SMARCC1: variants seen among roughly 807,000 people sequenced by gnomAD.
SMARCC1 encodes SWI/SNF related BAF chromatin remodeling complex subunit C1.
A neutral mutation model predicts 147.4 loss-of-function variants in SMARCC1; 43 were observed. The observed-to-expected ratio is 0.29, with a 90% CI of 0.23 to 0.38. SMARCC1 has a LOEUF of 0.38. Among genes scored for constraint, SMARCC1 ranks in the 10% least tolerant of loss-of-function variants. SMARCC1 has a pLI of 1.00. For missense variants in SMARCC1, 1,119 were observed against 1,381.1 expected (o/e 0.81, Z 3.01); for synonymous variants, 495 against 484.4 (o/e 1.02, Z -0.29).
intron 6 of SMARCC1, among the ~76,000 whole-genome samples, chr3:47,723,042 G>A (rs1377845322): frequency 6.6e-6 from 1 of 152,152 alleles, no homozygotes; most frequent in Non-Finnish European, 1.5e-5. Flanking sequence ...TTTAGAAAAG[G>A]GGAAATACTG....
At chr3:47,778,526 C>A (rs1227196275) in intron 1 of SMARCC1, among the ~76,000 whole-genome samples, 2 of 152,046 alleles carry the variant, frequency 1.3e-5, no homozygotes, top group Non-Finnish European at 2.9e-5. Context: ...TCATGTTGCC[C>A]AAGCTGGTCT....
rs2033317743 is a variant in SMARCC1, at chr3:47,659,766, G to GGGGGC, written c.2320+1527_2320+1528insGCCCC. ...GTCTACTAAGAAAAAAAAAAGGGGGGGGGGGCAAGAATCTGAGTAGGTATT... is the reference window on the plus strand; with the variant it reads ...GTCTACTAAGAAAAAAAAAAGGGGGGGGGGCGGGGGCAAGAATCTGAGTAGGTATT... On this transcript the variant is annotated intron_variant, in intron 21 of 27. Coordinates refer to ENST00000254480, the MANE Select transcript of SMARCC1 (RefSeq NM_003074.4). 1.6e-5 allele frequency among the ~76,000 whole-genome samples: 2 copies of GGGGGC among 123,458 alleles called. 1 individual carries two copies. Among genetic ancestry groups the GGGGGC allele is most frequent in the African/African-American group, 6.0e-5 (2 of 33,418 alleles). 81.0% of individuals were successfully genotyped at this position (123,458 alleles called of 152,430 possible). A position where few individuals can be genotyped will look rare whatever the true frequency, so the allele number is the denominator to read the frequency against.
intron 11 of SMARCC1, among the ~76,000 whole-genome samples, chr3:47,699,173 CA>C (rs34868304): frequency 6.7e-6 from 1 of 149,412 alleles, no homozygotes; most frequent in East Asian, 2.0e-4. Context: ...ACCTGTCCTC[CA>C]AAAAAAAAGT....
chr3:47,682,331 G>A (rs1028443249), intron 14 of SMARCC1, among the ~76,000 whole-genome samples: 1 of 151,142 alleles, frequency 6.6e-6, no homozygotes, highest in African/African-American at 2.4e-5. Flanking sequence ...CTGGAGTTCA[G>A]TGACAAGATC....
intron 25 of SMARCC1, among the ~76,000 whole-genome samples, chr3:47,615,776 T>C (rs1361249986): frequency 6.6e-6 from 1 of 152,200 alleles, no homozygotes; most frequent in Admixed American, 6.5e-5. Context: ...CTCTGCCTCC[T>C]GGGTTCAAGT....
At chr3:47,632,985 G>C (rs1053467748) in intron 24 of SMARCC1, among the ~76,000 whole-genome samples, 2 of 149,814 alleles carry the variant, frequency 1.3e-5, no homozygotes, top group African/African-American at 4.9e-5. Context: ...AAAAAAAGGA[G>C]AAACTAATCT....
At chr3:47,689,300 G>T (rs2033764542) in intron 13 of SMARCC1, 87 bp downstream of exon 13, 6 of 1,087,248 alleles carry the variant, frequency 5.5e-6, no homozygotes, top group Non-Finnish European at 8.4e-6. Flanking sequence ...TCCAAAAATT[G>T]GGTTATGTCC....
intron 11 of SMARCC1, among the ~76,000 whole-genome samples, chr3:47,698,448 T>C (rs1215340984): frequency 6.6e-6 from 1 of 152,088 alleles, no homozygotes; most frequent in East Asian, 1.9e-4. Flanking sequence ...TATAATATAA[T>C]TGGAGGTTTG....
At position 47,662,367 on chromosome 3, in the gene SMARCC1, G is replaced by A. The variant is rs1380095919; in HGVS notation, c.2125C>T (p.Arg709Cys). ...GCTTTTGCTGCAGCAGATGCCACGCGAGGGTCCACCACAGATGCCAAAAAA... is the reference window on the plus strand; with the variant it reads ...GCTTTTGCTGCAGCAGATGCCACGCAAGGGTCCACCACAGATGCCAAAAAA... ...VAFLASVVDP[R>C]VASAAAKAAL... is the part of the protein sequence containing the mutation. The change falls in exon 20 of 28, where the codon CGC (arginine) becomes TGC (cysteine). Residue 709 changes from arginine to cysteine, a missense_variant. Coordinates refer to ENST00000254480, the MANE Select transcript of SMARCC1 (RefSeq NM_003074.4). The A allele has an allele frequency of 1.1e-5, 17 of 1,614,076 alleles. No individual in the cohort carries two copies. The highest frequency in any genetic ancestry group is 1.3e-5 in the African/African-American group (1 of 75,038).
rs376833314 is a variant in SMARCC1 at position 47,661,281 on chromosome 3, A to C, written c.2320+13T>G. ...TATATTAACCCTGTCCCTTAAAAGC[A>C]GCAGTGACTCACCAAGCTTCTCTGG... On this transcript the variant is annotated intron_variant, in intron 21 of 27. Transcript: ENST00000254480. 1.5e-4 allele frequency: 239 copies of C among 1,598,158 alleles called. No homozygotes were observed. The highest frequency in any genetic ancestry group is 2.0e-4 in the Non-Finnish European group (230 of 1,174,604).
At chr3:47,743,710 G>GGAA (rs2034535108) in intron 3 of SMARCC1, among the ~76,000 whole-genome samples, 11 of 151,810 alleles carry the variant, frequency 7.2e-5, no homozygotes, top group Admixed American at 6.6e-4. Flanking sequence ...CTACTCAGGA[G>GGAA]GGTGAGGCAG....
intron 24 of SMARCC1, among the ~76,000 whole-genome samples, chr3:47,633,880 G>GAC (rs752157985): frequency 2.4e-4 from 36 of 148,570 alleles, no homozygotes; most frequent in South Asian, 2.1e-4. Flanking sequence ...AACACCTAAT[G>GAC]ACAGTATTAC....
chr3:47,707,268 T>G (rs1218076664), intron 9 of SMARCC1, among the ~76,000 whole-genome samples: 1 of 151,332 alleles, frequency 6.6e-6, no homozygotes, highest in East Asian at 1.9e-4. Context: ...ATCATGATCA[T>G]GTCACTGCAC....
In SMARCC1 at chr3:47,671,173, C is replaced by CAAAAAAAAAAAAAAAAAAAAAA. The variant is rs775759680; in HGVS notation, c.1840-478_1840-457dup. ...CCTGGGCAACAGAGCGAGACTATCT[C>CAAAAAAAAAAAAAAAAAAAAAA]AAAAAAAAAAAAAAAAAAAAAAAAA... On this transcript the variant is annotated intron_variant, in intron 18 of 27. Coordinates refer to ENST00000254480, the MANE Select transcript of SMARCC1 (RefSeq NM_003074.4). Among the ~76,000 whole-genome samples the CAAAAAAAAAAAAAAAAAAAAAA allele has an allele frequency of 1.4e-4, 4 of 29,234 alleles. 1 individual carries two copies. Among genetic ancestry groups the CAAAAAAAAAAAAAAAAAAAAAA allele is most frequent in the Non-Finnish European group, 2.2e-4 (4 of 18,020 alleles). 19.2% of individuals were successfully genotyped at this position (29,234 alleles called of 152,430 possible). A position where few individuals can be genotyped will look rare whatever the true frequency, so the allele number is the denominator to read the frequency against.
At chr3:47,632,445 A>C (rs2032905726) in intron 24 of SMARCC1, among the ~76,000 whole-genome samples, 1 of 152,052 alleles carries the variant, frequency 6.6e-6, no homozygotes, top group African/African-American at 2.4e-5. Flanking sequence ...GCCTCATGAA[A>C]CTTTTAAAAG....
chr3:47,693,959 G>A (rs549114359), intron 11 of SMARCC1, among the ~76,000 whole-genome samples: 9 of 152,212 alleles, frequency 5.9e-5, no homozygotes, highest in Admixed American at 3.9e-4. Context: ...CACTGCGTCC[G>A]GCCAAACGAA....
chr3:47,714,362 C>CA (rs1041649022), intron 8 of SMARCC1, 53 bp downstream of exon 8: 72 of 1,134,596 alleles, frequency 6.3e-5, no homozygotes, highest in African/African-American at 4.2e-4. Flanking sequence ...GACGCCATCT[C>CA]AAAAAAAATT....
intron 6 of SMARCC1, among the ~76,000 whole-genome samples, chr3:47,728,376 C>A (rs2034326360): frequency 6.6e-6 from 1 of 152,070 alleles, no homozygotes; most frequent in African/African-American, 2.4e-5. Context: ...GCGTGAGACA[C>A]CAGGTCCAGC....
rs576968749 is a variant in SMARCC1, at chr3:47,588,418, C to A, written c.3221-112G>T. 5 of 895,214 alleles carry A rather than the reference C, an allele frequency of 5.6e-6. No individual in the cohort carries two copies. In the South Asian group the frequency reaches 6.0e-5, roughly 11 times the overall value. The allele number at this position is 895,214 out of a possible 1,614,324, so 55.5% of individuals were successfully genotyped here. ...AGTCCTTTCCTTAGTGGCAGGCAAC[C>A]AATGCACCCTGTGAGGCATTGATTC... is the stretch of plus-strand genomic sequence containing the variant. On this transcript the variant is annotated intron_variant, in intron 27 of 27. Coordinates refer to ENST00000254480, the MANE Select transcript of SMARCC1 (RefSeq NM_003074.4).
Sources: allele counts gnomAD v4.1 joint callset (sites outside exome capture counted in the v4.1 genomes callset), GRCh38; gene constraint gnomAD v4.1.1; transcripts MANE v1.5; gene names NCBI Gene and HGNC (gene_info 2026-07-23, HGNC 2026-07-21).